The following DPYD variants were observed in gnomAD, a reference collection of about 807,000 sequenced individuals.
The protein encoded by DPYD is dihydropyrimidine dehydrogenase [NADP(+)].
A neutral mutation model predicts 116.2 loss-of-function variants in DPYD; 109 were observed. That is an observed-to-expected ratio of 0.94 (90% CI 0.80 to 1.10). The LOEUF (loss-of-function observed/expected upper bound fraction) is 1.10. Ranked by LOEUF, DPYD falls within the 50% of genes least tolerant of loss-of-function variation. The pLI is 0.00. For synonymous variants in DPYD, 440 were observed against 432.0 expected (o/e 1.02, Z -0.23); for missense variants, 1,302 against 1,254.5 (o/e 1.04, Z -0.57).
chr1:97,500,665 TACATTCTG>T (rs1679528524), intron 13 of DPYD, among the ~76,000 whole-genome samples: 1 of 152,102 alleles, frequency 6.6e-6, no homozygotes, highest in Non-Finnish European at 1.5e-5. Context: ...CAGCATATTT[TACATTCTG>T]ACACACATTT....
chr1:97,500,527 A>C (rs1173679947), intron 13 of DPYD, among the ~76,000 whole-genome samples: 2 of 152,020 alleles, frequency 1.3e-5, no homozygotes, highest in African/African-American at 4.8e-5. Context: ...ATTGTTTTAG[A>C]TGCATGGGAT....
rs11165925 is a variant in DPYD at position 97,912,880 on chromosome 1, C to T, written c.39+8004G>A. ...ATAGAGAAATATCTGAAAGAAGTCC[C>T]GCAAAGCTCTCAGGTCACTGTGGTA... On this transcript the variant is annotated intron_variant, in intron 1 of 22. Coordinates refer to ENST00000370192, the MANE Select transcript of DPYD (RefSeq NM_000110.4). 6.2e-3 allele frequency among the ~76,000 whole-genome samples: 939 copies of T among 152,146 alleles called. 8 individuals carry two copies. Among genetic ancestry groups the T allele is most frequent in the African/African-American group, 0.021 (886 of 41,520 alleles).
At chr1:97,792,355 C>A (rs531534591) in intron 3 of DPYD, among the ~76,000 whole-genome samples, 38 of 151,882 alleles carry the variant, frequency 2.5e-4, no homozygotes, top group African/African-American at 9.2e-4. Flanking sequence ...CTCACTGCAA[C>A]CTCCACCCCC....
At chr1:97,396,185 T>C (rs914695352) in intron 14 of DPYD, among the ~76,000 whole-genome samples, 1 of 151,780 alleles carries the variant, frequency 6.6e-6, no homozygotes, top group African/African-American at 2.4e-5. Flanking sequence ...TTATCTCTAA[T>C]CCTTAGAACA....
intron 8 of DPYD, among the ~76,000 whole-genome samples, chr1:97,633,798 T>G (rs1185375819): frequency 1.3e-5 from 2 of 152,104 alleles, no homozygotes; most frequent in Admixed American, 6.6e-5. Context: ...GATGATTAAC[T>G]CATGGGGAAG....
At chr1:97,395,146 T>C (rs1316080256) in intron 14 of DPYD, among the ~76,000 whole-genome samples, 3 of 151,352 alleles carry the variant, frequency 2.0e-5, no homozygotes, top group African/African-American at 7.3e-5. Flanking sequence ...TTTTCTGCTA[T>C]GACATGTATT....
chr1:97,910,241 C>A (rs186183692), intron 1 of DPYD, among the ~76,000 whole-genome samples: 3 of 152,052 alleles, frequency 2.0e-5, no homozygotes, highest in Admixed American at 6.6e-5. Context: ...CTGCAGAATT[C>A]TTTTCTGTCT....
chr1:97,864,598 AT>A (rs1417026208), intron 2 of DPYD, among the ~76,000 whole-genome samples: 3 of 151,904 alleles, frequency 2.0e-5, no homozygotes, highest in Non-Finnish European at 2.9e-5. Context: ...CAGATGTTAG[AT>A]AAAAACTGAG....
chr1:97,515,697 T>C (rs781663514), intron 13 of DPYD, 29 bp downstream of exon 13: 6 of 1,590,768 alleles, frequency 3.8e-6, no homozygotes, highest in Non-Finnish European at 5.2e-6. Flanking sequence ...GATAGACATT[T>C]CTATATGACT....
Position 97,305,623 on chromosome 1 carries a change from T to C in DPYD, c.2180-245A>G, listed in dbSNP as rs1338842410. Among the ~76,000 whole-genome samples the C allele has an allele frequency of 5.3e-5, 8 of 151,982 alleles. No homozygotes were observed. The East Asian group carries it at 1.2e-3, about 22-fold the overall frequency. ...AGACTTGTTGTTACCAAATGTTTTG[T>C]ATTTGGTGTTATTTTCCAGGTAATT... On this transcript the variant is annotated intron_variant, in intron 17 of 22. Transcript: ENST00000370192.
intron 4 of DPYD, among the ~76,000 whole-genome samples, chr1:97,739,146 TA>T (rs1386733294): frequency 6.6e-6 from 1 of 152,082 alleles, no homozygotes; most frequent in East Asian, 1.9e-4. Flanking sequence ...AGATCTTTAT[TA>T]AAAAATGTGA....
intron 13 of DPYD, among the ~76,000 whole-genome samples, chr1:97,502,804 T>G (rs1008855139): frequency 6.6e-6 from 1 of 151,994 alleles, no homozygotes; most frequent in Non-Finnish European, 1.5e-5. Context: ...TAACTTTTAT[T>G]GACAGGGTAT....
intron 11 of DPYD, among the ~76,000 whole-genome samples, chr1:97,557,347 G>A (rs1368047091): frequency 1.7e-4 from 20 of 116,318 alleles, no homozygotes; most frequent in South Asian, 2.8e-4. Context: ...TCACTCTGCC[G>A]CCCAGTCTGG....
intron 8 of DPYD, among the ~76,000 whole-genome samples, chr1:97,670,118 C>T (rs898983638): frequency 6.6e-6 from 1 of 152,130 alleles, no homozygotes; most frequent in Admixed American, 6.6e-5. Context: ...GGGTTGTGTA[C>T]TGTGATGTTC....
chr1:97,397,079 C>T (rs895827899), intron 14 of DPYD, among the ~76,000 whole-genome samples: 6 of 151,956 alleles, frequency 3.9e-5, no homozygotes, highest in South Asian at 4.1e-4. Flanking sequence ...TTGCCTAGCA[C>T]CTAATGTAAT....
intron 16 of DPYD, among the ~76,000 whole-genome samples, chr1:97,334,517 C>T (rs140069075): frequency 3.3e-5 from 5 of 152,236 alleles, no homozygotes; most frequent in Admixed American, 3.3e-4. Flanking sequence ...ATGCATATTG[C>T]GTGGTCTGTG....
intron 1 of DPYD, among the ~76,000 whole-genome samples, chr1:97,885,885 C>T (rs1051947038): frequency 6.6e-6 from 1 of 152,026 alleles, no homozygotes; most frequent in Non-Finnish European, 1.5e-5. Flanking sequence ...TATCAATTTG[C>T]ACCTGAGTAG....
At chr1:97,492,675 T>C (rs1294106108) in intron 13 of DPYD, among the ~76,000 whole-genome samples, 1 of 152,104 alleles carries the variant, frequency 6.6e-6, no homozygotes, top group Admixed American at 6.6e-5. Flanking sequence ...CAAATATATG[T>C]TTCAAGTTCA....
chr1:97,108,346 GA>G (rs1477023990), intron 20 of DPYD, among the ~76,000 whole-genome samples: 1 of 150,434 alleles, frequency 6.6e-6, no homozygotes, highest in African/African-American at 2.4e-5. Flanking sequence ...CATGATCTAT[GA>G]GGTCCCTCCC....
Sources: allele counts gnomAD v4.1 joint callset (sites outside exome capture counted in the v4.1 genomes callset), GRCh38; gene constraint gnomAD v4.1.1; transcripts MANE v1.5; gene names NCBI Gene and HGNC (gene_info 2026-07-23, HGNC 2026-07-21).